The following GKAP1 variants were observed in gnomAD, a reference collection of about 807,000 sequenced individuals.
GKAP1 encodes the protein G kinase-anchoring protein 1.
A neutral mutation model predicts 56.7 loss-of-function variants in GKAP1; 31 were observed. That is an observed-to-expected ratio of 0.55 (90% CI 0.41 to 0.74). The LOEUF (loss-of-function observed/expected upper bound fraction) is 0.74. Among genes scored for constraint, GKAP1 ranks in the 30% least tolerant of loss-of-function variants. The pLI is 0.00. For synonymous variants in GKAP1, 151 were observed against 138.6 expected (o/e 1.09, Z -0.63); for missense variants, 364 against 402.3 (o/e 0.90, Z 0.82).
chr9:83,810,110 C>T (rs1944487697), intron 2 of GKAP1, among the ~76,000 whole-genome samples: 1 of 152,174 alleles, frequency 6.6e-6, no homozygotes. Context: ...CCGCAACTGC[C>T]CCAAATCCTT....
intron 4 of GKAP1, among the ~76,000 whole-genome samples, chr9:83,795,586 G>GTTTT (rs754560081): frequency 1.4e-5 from 1 of 72,418 alleles, no homozygotes. Flanking sequence ...GTCTGAGAGT[G>GTTTT]TCTTTTTTTT....
intron 2 of GKAP1, among the ~76,000 whole-genome samples, chr9:83,814,070 C>T (rs1050344116): frequency 2.0e-5 from 3 of 151,688 alleles, no homozygotes; most frequent in Admixed American, 6.6e-5. Context: ...CTGCACTACA[C>T]CTTGGGTTAC....
chr9:83,805,621 T>A (rs1944426672), intron 3 of GKAP1, among the ~76,000 whole-genome samples: 1 of 152,088 alleles, frequency 6.6e-6, no homozygotes, highest in African/African-American at 2.4e-5. Context: ...TATAACCCCA[T>A]TTTCATTTAA....
At chr9:83,786,768 C>A (rs896714710) in intron 5 of GKAP1, among the ~76,000 whole-genome samples, 12 of 152,130 alleles carry the variant, frequency 7.9e-5, no homozygotes, top group African/African-American at 1.2e-4. Flanking sequence ...CGGCTAAAAT[C>A]AATGATTTTG....
intron 3 of GKAP1, among the ~76,000 whole-genome samples, chr9:83,801,274 G>C (rs1944327017): frequency 6.6e-6 from 1 of 152,090 alleles, no homozygotes; most frequent in Non-Finnish European, 1.5e-5. Context: ...GAAGAGGCAT[G>C]GAAAGATTCT....
chr9:83,747,257 T>C (rs1943310390), intron 10 of GKAP1, among the ~76,000 whole-genome samples: 1 of 152,216 alleles, frequency 6.6e-6, no homozygotes, highest in Non-Finnish European at 1.5e-5. Flanking sequence ...ATGCAACTGA[T>C]TTGGCAGGCT....
In GKAP1 at chr9:83,756,470, C is replaced by CAA. The variant is rs142896755; in HGVS notation, c.739-3113_739-3112dup. 5.2e-3 allele frequency among the ~76,000 whole-genome samples: 392 copies of CAA among 75,294 alleles called. 3 individuals carry two copies. Among genetic ancestry groups the CAA allele is most frequent in the African/African-American group, 0.013 (251 of 19,800 alleles). 49.4% of individuals were successfully genotyped at this position (75,294 alleles called of 152,430 possible). A position where few individuals can be genotyped will look rare whatever the true frequency, so the allele number is the denominator to read the frequency against. On this transcript the variant is annotated intron_variant, in intron 8 of 12. Coordinates refer to ENST00000376371, the MANE Select transcript of GKAP1 (RefSeq NM_025211.4). ...TGGGCAACACAGTGAGACTCCATCT[C>CAA]AAAAAAAAAAAAAAAAAAAAAAGAA...
At chr9:83,784,288 G>T (rs942281180) in intron 6 of GKAP1, among the ~76,000 whole-genome samples, 3 of 149,616 alleles carry the variant, frequency 2.0e-5, no homozygotes, top group Non-Finnish European at 4.4e-5. Context: ...AAAAAAAGAA[G>T]AATTTAATTG....
intron 9 of GKAP1, among the ~76,000 whole-genome samples, chr9:83,749,452 C>G (rs1943350080): frequency 6.6e-6 from 1 of 152,144 alleles, no homozygotes; most frequent in Non-Finnish European, 1.5e-5. Context: ...GTCTTGAACT[C>G]TTGACCTCAA....
intron 2 of GKAP1, among the ~76,000 whole-genome samples, chr9:83,808,580 A>C (rs548347217): frequency 6.6e-6 from 1 of 152,290 alleles, no homozygotes; most frequent in East Asian, 1.9e-4. Context: ...TGAGCAACGG[A>C]GTCAGACTCT....
At chr9:83,798,670 T>C (rs563238991) in intron 4 of GKAP1, among the ~76,000 whole-genome samples, 7 of 152,212 alleles carry the variant, frequency 4.6e-5, no homozygotes, top group African/African-American at 1.7e-4. Flanking sequence ...TGCGCCTCCA[T>C]GCCCGGCTAA....
intron 2 of GKAP1, among the ~76,000 whole-genome samples, chr9:83,816,028 A>G (rs11140260): frequency 7.6e-6 from 1 of 132,020 alleles, no homozygotes; most frequent in Non-Finnish European, 1.6e-5. Flanking sequence ...TGTATTAAAA[A>G]TACAAAAAAA....
chr9:83,768,094 C>T (rs1943693983), intron 8 of GKAP1, among the ~76,000 whole-genome samples: 1 of 152,084 alleles, frequency 6.6e-6, no homozygotes, highest in Admixed American at 6.5e-5. Context: ...TATAGCTTGC[C>T]CTGTTGTAAA....
At chr9:83,740,749 T>C (rs1473606817) in intron 12 of GKAP1, among the ~76,000 whole-genome samples, 1 of 152,160 alleles carries the variant, frequency 6.6e-6, no homozygotes, top group Non-Finnish European at 1.5e-5. Flanking sequence ...TCTGTGGAAG[T>C]GCATCTCTTA....
chr9:83,776,907 A>G (rs1192327141), intron 7 of GKAP1, among the ~76,000 whole-genome samples: 1 of 127,888 alleles, frequency 7.8e-6, no homozygotes, highest in African/African-American at 2.6e-5. Flanking sequence ...ATAATCAGCT[A>G]AAGGTAGACA....
At chr9:83,778,217 A>C (rs1587715675) in intron 7 of GKAP1, among the ~76,000 whole-genome samples, 1 of 152,354 alleles carries the variant, frequency 6.6e-6, no homozygotes, top group East Asian at 1.9e-4. Flanking sequence ...AGAGGAATAT[A>C]AATGGTTCTA....
At chr9:83,801,342 G>A (rs987840199) in intron 3 of GKAP1, among the ~76,000 whole-genome samples, 6 of 151,614 alleles carry the variant, frequency 4.0e-5, no homozygotes, top group Non-Finnish European at 8.8e-5. Flanking sequence ...ACCTCTACTA[G>A]ACTCCAGAAC....
Position 83,788,629 on chromosome 9 carries a change from C to G in GKAP1, c.410G>C (p.Ser137Thr). 2 of 1,601,562 alleles carry G rather than the reference C, an allele frequency of 1.2e-6. No homozygotes were observed. The highest frequency in any genetic ancestry group is 1.7e-6 in the Non-Finnish European group (2 of 1,172,854). ...TTTGTGCTCTTCATATTCTAGTTTA[C>G]TTAGTAACAATGCCTTCTCAAGATC... ...EADLEKALLLSKLEYEEHKKE... is the reference protein window; with the variant it reads ...EADLEKALLLTKLEYEEHKKE... Residue 137 changes from serine (S) to threonine (T), a missense_variant, in exon 5 of 13, where the codon AGT (serine) becomes ACT (threonine). Transcript: ENST00000376371.
intron 4 of GKAP1, 141 bp from the exon 5 acceptor site, chr9:83,788,819 T>C (rs1202478948): frequency 8.3e-6 from 4 of 479,602 alleles, no homozygotes; most frequent in South Asian, 4.1e-5. Flanking sequence ...TATCTAACCA[T>C]GCCAAACTAG....
Sources: allele counts gnomAD v4.1 joint callset (sites outside exome capture counted in the v4.1 genomes callset), GRCh38; gene constraint gnomAD v4.1.1; transcripts MANE v1.5; gene names NCBI Gene and HGNC (gene_info 2026-07-23, HGNC 2026-07-21).